Variants in XRCC4 observed in about 807,000 individuals in gnomAD.
XRCC4 encodes the protein DNA repair protein XRCC4.
XRCC4 carries 28 observed loss-of-function variants against 39.1 expected under a neutral mutation model. That is an observed-to-expected ratio of 0.72 (90% confidence interval 0.53 to 0.98). The LOEUF is 0.98. XRCC4 is among the 50% of genes least tolerant of loss of function. The pLI is 0.00. For missense variants in XRCC4, 350 were observed against 376.4 expected (o/e 0.93, Z 0.58); for synonymous variants, 123 against 126.4 (o/e 0.97, Z 0.18).
chr5:83,100,925 A>G (rs1417497307), intron 1 of XRCC4, among the ~76,000 whole-genome samples: 1 of 152,148 alleles, frequency 6.6e-6, no homozygotes, highest in African/African-American at 2.4e-5. Context: ...TGGATAAAGC[A>G]TTTCAGAATT....
At chr5:83,313,676 T>C (rs1342979935) in intron 7 of XRCC4, among the ~76,000 whole-genome samples, 1 of 152,186 alleles carries the variant, frequency 6.6e-6, no homozygotes, top group African/African-American at 2.4e-5. Flanking sequence ...ATCCTGCTTT[T>C]TGCACGAGCA....
At chr5:83,281,684 T>C (rs1233445800) in intron 7 of XRCC4, among the ~76,000 whole-genome samples, 1 of 152,212 alleles carries the variant, frequency 6.6e-6, no homozygotes, top group Non-Finnish European at 1.5e-5. Context: ...CCCCCTTATG[T>C]AACTTGTGGG....
At chr5:83,356,094 AC>A (rs67592594), downstream of XRCC4, among the ~76,000 whole-genome samples, 37,627 of 151,642 alleles carry the variant, frequency 0.25, 6,764 homozygotes, top group East Asian at 0.68. Context: ...AAGGAAAAAA[AC>A]TTTTAAATAT....
At chr5:83,239,733 C>G (rs892550431) in intron 6 of XRCC4, among the ~76,000 whole-genome samples, 1 of 151,612 alleles carries the variant, frequency 6.6e-6, no homozygotes, top group African/African-American at 2.4e-5. Flanking sequence ...GGAGGCTGAG[C>G]CAGGGGAATG....
intron 6 of XRCC4, among the ~76,000 whole-genome samples, chr5:83,210,403 G>A (rs992818279): frequency 2.0e-5 from 3 of 152,116 alleles, no homozygotes; most frequent in Admixed American, 6.5e-5. Flanking sequence ...TAGGAATAAC[G>A]TTATATGCTT....
intron 4 of XRCC4, among the ~76,000 whole-genome samples, chr5:83,200,014 T>C (rs1751115392): frequency 6.6e-6 from 1 of 152,180 alleles, no homozygotes; most frequent in Admixed American, 6.5e-5. Flanking sequence ...GACTTAGCAG[T>C]GAATCCCATG....
At chr5:83,248,644 A>C (rs16900265) in intron 6 of XRCC4, among the ~76,000 whole-genome samples, 9,950 of 152,202 alleles carry the variant, frequency 0.065, 1,056 homozygotes, top group African/African-American at 0.22. Context: ...TGCTAACTGT[A>C]ATTTGAAGAT....
intron 6 of XRCC4, among the ~76,000 whole-genome samples, chr5:83,239,432 C>T (rs1484630184): frequency 6.6e-6 from 1 of 152,158 alleles, no homozygotes; most frequent in African/African-American, 2.4e-5. Flanking sequence ...GAAGATTATG[C>T]TACAACTATA....
intron 7 of XRCC4, among the ~76,000 whole-genome samples, chr5:83,304,355 T>TAAAG (rs1272474927): frequency 1.3e-5 from 2 of 152,108 alleles, no homozygotes; most frequent in African/African-American, 4.8e-5. Flanking sequence ...AGCTTCTTGG[T>TAAAG]AAAGATCTTC....
At chr5:83,196,267 A>G (rs1314496731) in intron 4 of XRCC4, among the ~76,000 whole-genome samples, 1 of 152,096 alleles carries the variant, frequency 6.6e-6, no homozygotes, top group Non-Finnish European at 1.5e-5. Context: ...AGGATTAATA[A>G]TGAATGAAAA....
intron 3 of XRCC4, among the ~76,000 whole-genome samples, chr5:83,148,799 AATAATG>A (rs1748575543): frequency 6.6e-6 from 1 of 152,012 alleles, no homozygotes; most frequent in Admixed American, 6.5e-5. Context: ...TTAGGACATC[AATAATG>A]ATAATAATAA....
Position 83,273,062 on chromosome 5 carries a change from A to G in XRCC4, c.893+14385A>G, listed in dbSNP as rs368293400. On this transcript the variant is annotated intron_variant, in intron 7 of 7. Coordinates refer to ENST00000396027, the MANE Select transcript of XRCC4 (RefSeq NM_003401.5). The stretch of plus-strand genomic sequence containing the variant: ...CCACCAACAGTGTCAAAGCATTCCT[A>G]TTCCTCCACATACTCTCCAACATCT... 4.6e-5 allele frequency among the ~76,000 whole-genome samples: 7 copies of G among 152,296 alleles called. No homozygotes were observed. The South Asian group carries it at 8.3e-4, about 18-fold the overall frequency.
At chr5:83,114,902 AT>A (rs57505120) in intron 3 of XRCC4, among the ~76,000 whole-genome samples, 3,702 of 152,258 alleles carry the variant, frequency 0.024, 139 homozygotes, top group African/African-American at 0.083. Flanking sequence ...GGTTTAAATG[AT>A]TCACAGTTCC....
chr5:83,344,296 G>T (rs555482533), intron 7 of XRCC4, among the ~76,000 whole-genome samples: 7 of 151,896 alleles, frequency 4.6e-5, no homozygotes, highest in Non-Finnish European at 5.9e-5. Context: ...GAGTGCAATG[G>T]CATGATCATA....
At chr5:83,289,451 G>A (rs1005023015) in intron 7 of XRCC4, among the ~76,000 whole-genome samples, 7 of 151,842 alleles carry the variant, frequency 4.6e-5, no homozygotes, top group African/African-American at 1.7e-4. Flanking sequence ...GTAGCTGTAG[G>A]TGTCAGAAGC....
chr5:83,136,738 C>T (rs1747916347), intron 3 of XRCC4, among the ~76,000 whole-genome samples: 1 of 152,080 alleles, frequency 6.6e-6, no homozygotes, highest in Admixed American at 6.5e-5. Flanking sequence ...CAATAAAGAC[C>T]TGCAGTACTC....
rs200674337 is a variant in XRCC4 at position 83,255,093 on chromosome 5, AG to A, written c.746-3436del. On this transcript the variant is annotated intron_variant, in intron 6 of 7. Coordinates refer to ENST00000396027, the MANE Select transcript of XRCC4 (RefSeq NM_003401.5). The stretch of plus-strand genomic sequence containing the variant: ...CAAGAGCAAAATTCCGTCTCAAAAA[AG>A]AAAAAAAAAAAGAAAAGAAATTTGA... 6.0e-3 allele frequency among the ~76,000 whole-genome samples: 902 copies of A among 149,416 alleles called. 19 individuals are homozygous for A. In the East Asian group the frequency reaches 0.066, roughly 11 times the overall value.
In XRCC4 at chr5:83,099,928, AT is replaced by A. The variant is rs1745849776; in HGVS notation, c.-10-4981del. Among the ~76,000 whole-genome samples the A allele has an allele frequency of 2.0e-5, 3 of 152,168 alleles. No individual in the cohort carries two copies. In the South Asian group the frequency reaches 6.2e-4, roughly 31 times the overall value. ...GAGATCGTTCATTTGCTCTTACTGAATCTTAAAAGACATTCCAAGTCATCTT... is the reference window on the plus strand; with the variant it reads ...GAGATCGTTCATTTGCTCTTACTGAACTTAAAAGACATTCCAAGTCATCTT... On this transcript the variant is annotated intron_variant, in intron 1 of 7. Coordinates refer to ENST00000396027, the MANE Select transcript of XRCC4 (RefSeq NM_003401.5).
At chr5:83,139,602 G>T (rs1483273951) in intron 3 of XRCC4, among the ~76,000 whole-genome samples, 1 of 152,124 alleles carries the variant, frequency 6.6e-6, no homozygotes, top group Non-Finnish European at 1.5e-5. Context: ...TTCGTTAGGT[G>T]ATTTCTTTGA....
Sources: allele counts gnomAD v4.1 joint callset (sites outside exome capture counted in the v4.1 genomes callset), GRCh38; gene constraint gnomAD v4.1.1; transcripts MANE v1.5; gene names NCBI Gene and HGNC (gene_info 2026-07-23, HGNC 2026-07-21).